Variants in KLHL1 observed in about 807,000 individuals in gnomAD.
The protein encoded by KLHL1 is kelch like family member 1.
In KLHL1, 47 loss-of-function variants were observed where a neutral mutation model predicts 77.7. That is an observed-to-expected ratio of 0.60 (90% CI 0.48 to 0.77). The LOEUF (loss-of-function observed/expected upper bound fraction) is 0.77, where lower values mean the gene tolerates loss of function less well. KLHL1 is among the 30% of genes least tolerant of loss of function. The pLI, the probability that KLHL1 is intolerant of heterozygous loss-of-function variation, is 0.00. For synonymous variants in KLHL1, 360 were observed against 325.2 expected, an observed-to-expected ratio of 1.11 and a Z score of -1.15; for missense variants, 925 against 910.8, an observed-to-expected ratio of 1.02 and a Z score of -0.20.
rs560656074 is a variant in KLHL1 at position 69,830,809 on chromosome 13, G to T, written c.1414+8167C>A. Among the ~76,000 whole-genome samples, 51 of 150,082 alleles carry T rather than the reference G, an allele frequency of 3.4e-4. 6 individuals are homozygous for T. Among genetic ancestry groups the T allele is most frequent in the African/African-American group, 1.1e-3 (45 of 40,092 alleles). On this transcript the variant is annotated intron_variant, in intron 6 of 10. Coordinates refer to ENST00000377844, the MANE Select transcript of KLHL1 (RefSeq NM_020866.3). ...CTCCAAAACAAACCCTCAAAATCAT[G>T]CACATAGATGGAAGTTAAGTAATCT... is the stretch of plus-strand genomic sequence containing the variant.
At chr13:69,899,108 G>T (rs1881762415) in intron 4 of KLHL1, among the ~76,000 whole-genome samples, 1 of 151,800 alleles carries the variant, frequency 6.6e-6, no homozygotes, top group African/African-American at 2.4e-5. Context: ...AGGTTGTAAG[G>T]AGGAAGAATA....
intron 6 of KLHL1, among the ~76,000 whole-genome samples, chr13:69,827,034 T>C (rs1176011686): frequency 6.6e-6 from 1 of 151,112 alleles, no homozygotes; most frequent in Non-Finnish European, 1.5e-5. Context: ...ATGCTTATAA[T>C]TAGAATAAAA....
chr13:70,003,650 T>G (rs970089228), intron 1 of KLHL1, among the ~76,000 whole-genome samples: 1 of 151,802 alleles, frequency 6.6e-6, no homozygotes, highest in African/African-American at 2.4e-5. Context: ...AATATTTAAT[T>G]TTTATTATAT....
intron 9 of KLHL1, among the ~76,000 whole-genome samples, chr13:69,716,069 T>C (rs1025699791): frequency 6.6e-6 from 1 of 152,158 alleles, no homozygotes; most frequent in Non-Finnish European, 1.5e-5. Context: ...TTTTATGATA[T>C]TCTGGGTCAT....
chr13:69,729,366 C>T (rs1034223613), intron 8 of KLHL1, among the ~76,000 whole-genome samples: 1 of 152,084 alleles, frequency 6.6e-6, no homozygotes, highest in Non-Finnish European at 1.5e-5. Context: ...TTTTCTTCCA[C>T]AAGAAATAGT....
rs913206802 is a variant in KLHL1 at position 70,001,578 on chromosome 13, T to C, written c.498-25776A>G. Among the ~76,000 whole-genome samples, 3 of 126,116 alleles carry C rather than the reference T, an allele frequency of 2.4e-5. No homozygotes were observed. The East Asian group carries it at 7.6e-4, about 32-fold the overall frequency. 82.7% of individuals were successfully genotyped at this position (126,116 alleles called of 152,430 possible). ...CATTGGGATATCTATCTATGATCTA[T>C]GTGTCTATCTATCTATCTATCTATC... On this transcript the variant is annotated intron_variant, in intron 1 of 10. Coordinates refer to ENST00000377844, the MANE Select transcript of KLHL1 (RefSeq NM_020866.3).
chr13:70,062,686 A>G (rs1249439023), intron 1 of KLHL1, among the ~76,000 whole-genome samples: 1 of 152,126 alleles, frequency 6.6e-6, no homozygotes, highest in Non-Finnish European at 1.5e-5. Context: ...GTCCATGCCT[A>G]TATAATCAGA....
intron 5 of KLHL1, among the ~76,000 whole-genome samples, chr13:69,845,521 T>C (rs1265375873): frequency 6.6e-6 from 1 of 151,682 alleles, no homozygotes; most frequent in Non-Finnish European, 1.5e-5. Context: ...GTTTACTCTG[T>C]GAGCAATTTC....
chr13:69,707,528 A>G, intron 10 of KLHL1, 97 bp downstream of exon 10: 1 of 1,150,132 alleles, frequency 8.7e-7, no homozygotes, highest in South Asian at 2.0e-5. Flanking sequence ...GGTTTAGGGT[A>G]ATTAGACTAG....
chr13:69,771,239 A>C (rs1025993489), intron 7 of KLHL1, among the ~76,000 whole-genome samples: 16 of 150,698 alleles, frequency 1.1e-4, no homozygotes, highest in East Asian at 5.9e-4. Context: ...CTCTCTCTAC[A>C]ACCCATTGTC....
chr13:69,858,291 C>G, intron 5 of KLHL1, among the ~76,000 whole-genome samples: 1 of 152,060 alleles, frequency 6.6e-6, no homozygotes, highest in African/African-American at 2.4e-5. Flanking sequence ...TTGGGTGAGA[C>G]TCCTTGAGAG....
chr13:69,797,094 A>T (rs886961226), intron 6 of KLHL1, 132 bp from the exon 7 acceptor site: 92 of 684,784 alleles, frequency 1.3e-4, no homozygotes, highest in Non-Finnish European at 2.1e-4. Flanking sequence ...AAGTGGCAGA[A>T]AAACAAAAGG....
intron 8 of KLHL1, among the ~76,000 whole-genome samples, chr13:69,721,039 TTCCTAGAAAAG>T (rs1873020569): frequency 2.1e-5 from 1 of 47,342 alleles, no homozygotes; most frequent in Non-Finnish European, 5.3e-5. Flanking sequence ...TCCCATTCTA[TTCCTAGAAAAG>T]ATAGCTACTA....
chr13:69,847,412 A>AAAAAAAC (rs1879509687), intron 5 of KLHL1, among the ~76,000 whole-genome samples: 1 of 151,344 alleles, frequency 6.6e-6, no homozygotes, highest in Non-Finnish European at 1.5e-5. Context: ...AGCAAAAAAA[A>AAAAAAAC]AAAAAAAAAA....
chr13:70,107,491 T>A lies in KLHL1; in HGVS notation c.209A>T (p.Lys70Met). 6.2e-7 allele frequency: 1 copy of A among 1,610,802 alleles called. No individual in the cohort carries two copies. Among genetic ancestry groups the A allele is most frequent in the Non-Finnish European group, 8.5e-7 (1 of 1,179,770 alleles). Reference protein sequence around the residue: ...QERSGVSTFWKKPSSSSSSSS... With the variant: ...QERSGVSTFWMKPSSSSSSSS... ...TGAAGAGGAAGAGGAGGAAGGCTTC[T>A]TCCAGAAAGTGCTCACACCGCTTCT... Residue 70 changes from lysine (K) to methionine (M), a missense_variant, in exon 1 of 11, where the codon AAG becomes ATG. Physicochemically the swap from Lys to Met is moderately conservative, Grantham distance 95. Transcript: ENST00000377844.
At chr13:69,921,585 A>ATCC (rs1409548127) in intron 4 of KLHL1, among the ~76,000 whole-genome samples, 1 of 152,170 alleles carries the variant, frequency 6.6e-6, no homozygotes. Context: ...AAACCTTCAA[A>ATCC]TCCTAACCCT....
intron 1 of KLHL1, among the ~76,000 whole-genome samples, chr13:70,002,055 G>A (rs540762466): frequency 6.6e-6 from 1 of 151,482 alleles, no homozygotes; most frequent in East Asian, 1.9e-4. Context: ...ATTAAAGCAG[G>A]CTATTAGTAA....
intron 1 of KLHL1, among the ~76,000 whole-genome samples, chr13:70,081,985 C>T (rs552128879): frequency 1.3e-5 from 2 of 152,196 alleles, no homozygotes; most frequent in African/African-American, 2.4e-5. Flanking sequence ...CATGGGGACG[C>T]ACTTCTCACT....
At chr13:69,795,606 T>A (rs1348926934) in intron 7 of KLHL1, among the ~76,000 whole-genome samples, 1 of 152,168 alleles carries the variant, frequency 6.6e-6, no homozygotes, top group South Asian at 2.1e-4. Context: ...ACTTTACAAT[T>A]TACAAAGTGA....
Sources: gnomAD v4.1 joint callset for allele counts (sites outside exome capture counted in the v4.1 genomes callset) on GRCh38, gnomAD v4.1.1 for gene constraint, MANE v1.5 for transcripts, NCBI Gene and HGNC (gene_info 2026-07-23, HGNC 2026-07-21) for gene names.